FRY: variants seen among roughly 807,000 people sequenced by gnomAD.
The protein encoded by FRY is FRY microtubule binding protein, also known as protein furry homolog.
Under a neutral mutation model 348.4 loss-of-function variants are expected in FRY, and 128 were observed. The ratio of observed to expected loss-of-function variants is 0.37; its 90% CI spans 0.32 to 0.43. FRY has a LOEUF of 0.43. Among genes scored for constraint, FRY ranks in the 20% least tolerant of loss-of-function variants. The pLI, the probability that FRY is intolerant of heterozygous loss-of-function variation, is 1.00. For synonymous variants in FRY, 1,370 were observed against 1,374.7 expected, an observed-to-expected ratio of 1.00 and a Z score of 0.08; for missense variants, 2,736 against 3,695.2, an observed-to-expected ratio of 0.74 and a Z score of 6.73.
At chr13:32,234,551 T>C (rs746889218) in intron 41 of FRY, 23 bp from the exon 42 acceptor site, 2 of 1,609,542 alleles carry the variant, frequency 1.2e-6, no homozygotes, top group Non-Finnish European at 8.5e-7. Flanking sequence ...GACTGACCTA[T>C]TCTGTGGCTC....
chr13:32,098,006 T>C (rs554031668), intron 2 of FRY, among the ~76,000 whole-genome samples: 23 of 152,152 alleles, frequency 1.5e-4, no homozygotes, highest in African/African-American at 5.3e-4. Flanking sequence ...TTTTCATATT[T>C]GAAAAAACTG....
intron 1 of FRY, among the ~76,000 whole-genome samples, chr13:32,072,983 T>C (rs955640941): frequency 1.3e-5 from 2 of 152,252 alleles, no homozygotes; most frequent in African/African-American, 4.8e-5. Context: ...AGTTCTACTT[T>C]GAATATTTGG....
chr13:32,032,031 C>CTTTCTTTCTTTCTTTCTTTCTT (rs1872264953), intron 1 of FRY, among the ~76,000 whole-genome samples, 166 bp downstream of exon 1: 5 of 137,830 alleles, frequency 3.6e-5, no homozygotes, highest in African/African-American at 1.4e-4. Context: ...CTTTTTCTTT[C>CTTTCTTTCTTTCTTTCTTTCTT]TTTCTTTCTT....
At chr13:32,031,994 C>T (rs1327322687) in intron 1 of FRY, 129 bp downstream of exon 1, 2 of 630,784 alleles carry the variant, frequency 3.2e-6, no homozygotes, top group Non-Finnish European at 5.6e-6. Flanking sequence ...CTTTTCTTTT[C>T]TTTTCTCTTT....
intron 3 of FRY, among the ~76,000 whole-genome samples, chr13:32,114,380 A>G (rs1013844779): frequency 2.0e-5 from 3 of 152,184 alleles, no homozygotes; most frequent in Non-Finnish European, 4.4e-5. Flanking sequence ...GTGGTTTACT[A>G]TAAAGGAGAT....
intron 1 of FRY, among the ~76,000 whole-genome samples, chr13:32,063,247 G>A (rs1344195145): frequency 6.6e-6 from 1 of 152,160 alleles, no homozygotes; most frequent in Non-Finnish European, 1.5e-5. Context: ...CCTTTATGTT[G>A]GGTCCCTGTG....
At chr13:32,069,162 G>A (rs946538871) in intron 1 of FRY, among the ~76,000 whole-genome samples, 1 of 152,092 alleles carries the variant, frequency 6.6e-6, no homozygotes, top group Admixed American at 6.5e-5. Context: ...TGATCCACCC[G>A]TCTCGACCTC....
intron 17 of FRY, among the ~76,000 whole-genome samples, chr13:32,164,596 A>C (rs1475840542): frequency 6.6e-6 from 1 of 152,172 alleles, no homozygotes. Context: ...TTGACTTTAC[A>C]TGTATTGCTC....
intron 3 of FRY, among the ~76,000 whole-genome samples, chr13:32,114,469 C>G (rs1593628443): frequency 6.6e-6 from 1 of 152,132 alleles, no homozygotes; most frequent in African/African-American, 2.4e-5. Context: ...TTATTGTTAA[C>G]TAAACTCTAC....
intron 50 of FRY, among the ~76,000 whole-genome samples, chr13:32,253,380 A>C (rs1887179118): frequency 1.3e-5 from 2 of 152,224 alleles, no homozygotes; most frequent in African/African-American, 4.8e-5. Flanking sequence ...ATCGTATTTA[A>C]ATTCTTATAA....
intron 53 of FRY, among the ~76,000 whole-genome samples, chr13:32,263,212 C>T (rs1169588997): frequency 6.6e-6 from 1 of 152,092 alleles, no homozygotes; most frequent in Non-Finnish European, 1.5e-5. Context: ...GAGTCAAGCA[C>T]TGTCTATCAT....
chr13:32,201,328 C>G (rs1884016627), intron 29 of FRY, among the ~76,000 whole-genome samples: 1 of 152,178 alleles, frequency 6.6e-6, no homozygotes, highest in African/African-American at 2.4e-5. Flanking sequence ...TTCTCTACCC[C>G]CCATCTAATG....
intron 49 of FRY, among the ~76,000 whole-genome samples, chr13:32,250,690 A>T (rs1887031521): frequency 6.6e-6 from 1 of 152,180 alleles, no homozygotes; most frequent in Non-Finnish European, 1.5e-5. Context: ...TTACCAGAAG[A>T]AGGTGAAGTG....
intron 58 of FRY, among the ~76,000 whole-genome samples, chr13:32,281,821 G>C (rs527275953): frequency 1.3e-5 from 2 of 152,150 alleles, no homozygotes; most frequent in Non-Finnish European, 2.9e-5. Flanking sequence ...TGTTTAAGTC[G>C]TCTGGATACT....
chr13:32,176,504 C>G (rs1037457141), intron 20 of FRY, among the ~76,000 whole-genome samples: 4 of 152,076 alleles, frequency 2.6e-5, no homozygotes, highest in African/African-American at 9.7e-5. Context: ...TTTTAGTGGC[C>G]CTGTTCTTGC....
At chr13:32,208,268 T>C in intron 31 of FRY, among the ~76,000 whole-genome samples, 1 of 152,362 alleles carries the variant, frequency 6.6e-6, no homozygotes, top group East Asian at 1.9e-4. Context: ...GAAGACACTT[T>C]GTAAGACACT....
intron 31 of FRY, among the ~76,000 whole-genome samples, chr13:32,204,860 G>A (rs1295956957): frequency 6.6e-6 from 1 of 152,144 alleles, no homozygotes; most frequent in Non-Finnish European, 1.5e-5. Flanking sequence ...AAATACAGAG[G>A]GAAATAAAAG....
intron 11 of FRY, among the ~76,000 whole-genome samples, chr13:32,141,045 A>G (rs761065001): frequency 6.6e-6 from 1 of 152,180 alleles, no homozygotes; most frequent in Non-Finnish European, 1.5e-5. Context: ...TTTACTATTA[A>G]TCTCATTTCT....
chr13:32,275,079 G>A (rs945990812), intron 56 of FRY, 88 bp downstream of exon 56: 1 of 1,242,388 alleles, frequency 8.0e-7, no homozygotes, highest in African/African-American at 1.5e-5. Flanking sequence ...GCTGTGGTTT[G>A]TTTTAAAGAT....
Sources: gnomAD v4.1 joint callset for allele counts (sites outside exome capture counted in the v4.1 genomes callset) on GRCh38, gnomAD v4.1.1 for gene constraint, MANE v1.5 for transcripts, NCBI Gene and HGNC (gene_info 2026-07-23, HGNC 2026-07-21) for gene names.